Variants in NELL1 observed in about 807,000 individuals in gnomAD.
NELL1 encodes protein kinase C-binding protein NELL1.
In NELL1, 76 loss-of-function variants were observed where a neutral mutation model predicts 107.4. The ratio of observed to expected loss-of-function variants is 0.71; its 90% CI spans 0.59 to 0.86. NELL1 has a LOEUF of 0.86. Among genes scored for constraint, NELL1 ranks in the 40% least tolerant of loss-of-function variants. NELL1 has a pLI of 0.00. For synonymous variants in NELL1, 353 were observed against 341.2 expected (o/e 1.03, Z -0.38); for missense variants, 1,024 against 1,005.5 (o/e 1.02, Z -0.25).
intron 4 of NELL1, among the ~76,000 whole-genome samples, chr11:20,860,561 G>C (rs1407219325): frequency 6.6e-6 from 1 of 152,198 alleles, no homozygotes; most frequent in Non-Finnish European, 1.5e-5. Context: ...GTTCAAATGA[G>C]GGCCTGCATG....
At chr11:20,962,407 A>C (rs968068789) in intron 12 of NELL1, among the ~76,000 whole-genome samples, 2 of 152,174 alleles carry the variant, frequency 1.3e-5, no homozygotes, top group East Asian at 3.8e-4. Flanking sequence ...ACGTCGAACA[A>C]TTATAAAAAT....
chr11:21,039,584 A>G (rs4922731), intron 12 of NELL1, among the ~76,000 whole-genome samples: 1 of 152,186 alleles, frequency 6.6e-6, no homozygotes, highest in African/African-American at 2.4e-5. Flanking sequence ...GATTTTCTAG[A>G]TGGAGCAAAA....
At chr11:21,107,551 C>T (rs182986444) in intron 12 of NELL1, among the ~76,000 whole-genome samples, 1 of 152,200 alleles carries the variant, frequency 6.6e-6, no homozygotes, top group Admixed American at 6.5e-5. Flanking sequence ...TCTTAGTTTT[C>T]AGGGGAGATG....
In NELL1 at chr11:21,486,498, T is replaced by C. The variant is rs183278851; in HGVS notation, c.1646-47876T>C. ...AAAAGCCTTCTCCTATGAAAGCAAG[T>C]TCAAAAAAATAGAAGTGACTGTTAT... On this transcript the variant is annotated intron_variant, in intron 15 of 19. Coordinates refer to ENST00000357134, the MANE Select transcript of NELL1 (RefSeq NM_006157.5). Among the ~76,000 whole-genome samples, 1,192 of 152,176 alleles carry C rather than the reference T, an allele frequency of 7.8e-3. 21 individuals are homozygous for C. Among genetic ancestry groups the C allele is most frequent in the African/African-American group, 0.028 (1,144 of 41,524 alleles).
At chr11:20,878,615 A>G (rs1849351893) in intron 4 of NELL1, among the ~76,000 whole-genome samples, 1 of 152,170 alleles carries the variant, frequency 6.6e-6, no homozygotes, top group Non-Finnish European at 1.5e-5. Flanking sequence ...GAAAAGGGTT[A>G]TTACATTTCA....
At chr11:20,982,943 G>A (rs1851777747) in intron 12 of NELL1, among the ~76,000 whole-genome samples, 1 of 152,134 alleles carries the variant, frequency 6.6e-6, no homozygotes, top group Non-Finnish European at 1.5e-5. Context: ...ATATTTTTCA[G>A]ATATCTCTTT....
intron 12 of NELL1, among the ~76,000 whole-genome samples, chr11:21,109,165 A>G (rs528105003): frequency 1.3e-5 from 2 of 152,204 alleles, no homozygotes; most frequent in South Asian, 4.1e-4. Flanking sequence ...AAATGGAAGG[A>G]TGAGATGCTC....
chr11:20,836,030 T>A (rs1848528811), intron 3 of NELL1, among the ~76,000 whole-genome samples: 1 of 151,920 alleles, frequency 6.6e-6, no homozygotes, highest in Admixed American at 6.6e-5. Flanking sequence ...AAACACACAT[T>A]TGAGGAAGGA....
intron 2 of NELL1, among the ~76,000 whole-genome samples, chr11:20,686,081 T>TAA (rs1022929855): frequency 1.3e-5 from 2 of 148,758 alleles, no homozygotes; most frequent in South Asian, 2.1e-4. Context: ...GTGCAAAGTG[T>TAA]AAAAAAAAAA....
intron 3 of NELL1, among the ~76,000 whole-genome samples, chr11:20,828,552 G>A (rs762361359): frequency 3.3e-5 from 5 of 152,084 alleles, no homozygotes; most frequent in Admixed American, 2.0e-4. Context: ...GTTTGGGATC[G>A]CTGCAGGTAA....
At chr11:21,547,376 A>C (rs931339605) in intron 16 of NELL1, among the ~76,000 whole-genome samples, 1 of 151,498 alleles carries the variant, frequency 6.6e-6, no homozygotes, top group Non-Finnish European at 1.5e-5. Flanking sequence ...CTTCATCCAC[A>C]AACCCTATAT....
At chr11:21,099,662 A>G (rs1206444324) in intron 12 of NELL1, among the ~76,000 whole-genome samples, 12 of 152,234 alleles carry the variant, frequency 7.9e-5, no homozygotes, top group African/African-American at 2.9e-4. Context: ...CTGGATCTTC[A>G]CAACAACCCT....
At chr11:20,742,611 A>T (rs1855915306) in intron 2 of NELL1, among the ~76,000 whole-genome samples, 1 of 152,210 alleles carries the variant, frequency 6.6e-6, no homozygotes, top group South Asian at 2.1e-4. Context: ...CTTACATGAC[A>T]GCAGGCAAGA....
intron 13 of NELL1, among the ~76,000 whole-genome samples, chr11:21,196,229 G>A (rs1445391156): frequency 6.6e-6 from 1 of 152,158 alleles, no homozygotes; most frequent in African/African-American, 2.4e-5. Context: ...AGCATGTGCT[G>A]TGATATGCCA....
At chr11:20,791,623 G>C (rs969002149) in intron 3 of NELL1, among the ~76,000 whole-genome samples, 3 of 151,994 alleles carry the variant, frequency 2.0e-5, no homozygotes, top group African/African-American at 7.2e-5. Context: ...GAAATGGTGA[G>C]CAGATATCTT....
intron 5 of NELL1, among the ~76,000 whole-genome samples, chr11:20,893,268 G>C (rs1404939626): frequency 1.3e-5 from 2 of 151,838 alleles, no homozygotes; most frequent in African/African-American, 4.8e-5. Context: ...GGGGGTGAGG[G>C]GTGAGGGGAG....
intron 13 of NELL1, among the ~76,000 whole-genome samples, chr11:21,129,528 G>A (rs1244407148): frequency 6.6e-6 from 1 of 152,138 alleles, no homozygotes; most frequent in African/African-American, 2.4e-5. Flanking sequence ...ATGAATGAAT[G>A]GATATGCAAA....
intron 14 of NELL1, among the ~76,000 whole-genome samples, chr11:21,290,343 T>A (rs1484603563): frequency 6.6e-6 from 1 of 151,544 alleles, no homozygotes. Flanking sequence ...CACTCCAGCC[T>A]GGGTGACAGA....
chr11:20,684,232 C>A (rs1287611454), intron 2 of NELL1, among the ~76,000 whole-genome samples: 1 of 151,448 alleles, frequency 6.6e-6, no homozygotes, highest in African/African-American at 2.4e-5. Context: ...CATAGTGAGA[C>A]CCTCATCTCT....
Sources: allele counts gnomAD v4.1 joint callset (sites outside exome capture counted in the v4.1 genomes callset), GRCh38; gene constraint gnomAD v4.1.1; transcripts MANE v1.5; gene names NCBI Gene and HGNC (gene_info 2026-07-23, HGNC 2026-07-21).